The following RCAN2 variants were observed in gnomAD, a reference collection of about 807,000 sequenced individuals.
The protein encoded by RCAN2 is regulator of calcineurin 2, also known as calcipressin-2.
RCAN2 carries 9 observed loss-of-function variants against 23.6 expected under a neutral mutation model. The observed-to-expected ratio is 0.38, with a 90% CI of 0.23 to 0.67. The LOEUF (loss-of-function observed/expected upper bound fraction) is 0.67. Ranked by LOEUF, RCAN2 falls within the 30% of genes least tolerant of loss-of-function variation. The pLI is 0.51. For missense variants in RCAN2, 273 were observed against 302.3 expected, an observed-to-expected ratio of 0.90 and a Z score of 0.72; for synonymous variants, 109 against 115.7, an observed-to-expected ratio of 0.94 and a Z score of 0.37.
At chr6:46,320,309 TA>T (rs1382124293) in intron 2 of RCAN2, among the ~76,000 whole-genome samples, 1 of 152,152 alleles carries the variant, frequency 6.6e-6, no homozygotes, top group African/African-American at 2.4e-5. Context: ...TGACACATAC[TA>T]AATTGTGTCA....
chr6:46,231,297 C>A (rs1199627030), intron 4 of RCAN2, among the ~76,000 whole-genome samples: 1 of 152,176 alleles, frequency 6.6e-6, no homozygotes, highest in Non-Finnish European at 1.5e-5. Flanking sequence ...AGGAACAGAT[C>A]CTTTCCTGAC....
At chr6:46,407,816 A>C (rs1447931979) in intron 2 of RCAN2, among the ~76,000 whole-genome samples, 2 of 152,256 alleles carry the variant, frequency 1.3e-5, no homozygotes, top group Non-Finnish European at 2.9e-5. Flanking sequence ...TTTGCTATGC[A>C]GCAGACCTTT....
chr6:46,251,960 T>A (rs954096130), intron 2 of RCAN2, among the ~76,000 whole-genome samples: 1 of 152,144 alleles, frequency 6.6e-6, no homozygotes, highest in Non-Finnish European at 1.5e-5. Flanking sequence ...TTTCACTGGA[T>A]CATATGGGGC....
At chr6:46,241,687 T>C (rs960765860) in intron 4 of RCAN2, among the ~76,000 whole-genome samples, 1 of 152,234 alleles carries the variant, frequency 6.6e-6, no homozygotes, top group Admixed American at 6.5e-5. Context: ...TCAACCAATC[T>C]TTTACTCTTC....
intron 2 of RCAN2, among the ~76,000 whole-genome samples, chr6:46,342,429 G>A (rs1764350866): frequency 6.6e-6 from 1 of 151,484 alleles, no homozygotes; most frequent in South Asian, 2.1e-4. Context: ...GCTCATGCCT[G>A]TAGTCCCAGC....
At chr6:46,312,067 A>G (rs1224663464) in intron 2 of RCAN2, among the ~76,000 whole-genome samples, 2 of 152,158 alleles carry the variant, frequency 1.3e-5, no homozygotes, top group Non-Finnish European at 2.9e-5. Flanking sequence ...CTCTTCTTCC[A>G]TCCTGCTGCC....
chr6:46,311,088 C>T (rs945735229), intron 2 of RCAN2, among the ~76,000 whole-genome samples: 2 of 152,162 alleles, frequency 1.3e-5, no homozygotes, highest in Admixed American at 6.5e-5. Flanking sequence ...ATTATACATA[C>T]TTTACAGAGG....
At chr6:46,402,683 C>A (rs540151242) in intron 2 of RCAN2, among the ~76,000 whole-genome samples, 2 of 152,282 alleles carry the variant, frequency 1.3e-5, no homozygotes, top group African/African-American at 4.8e-5. Context: ...ACAAGCCCTG[C>A]TGGGTTTTCC....
intron 2 of RCAN2, among the ~76,000 whole-genome samples, chr6:46,406,429 A>G (rs1318660444): frequency 6.6e-6 from 1 of 152,184 alleles, no homozygotes; most frequent in Non-Finnish European, 1.5e-5. Flanking sequence ...TCTGGCAGCT[A>G]TTTTTTGGTC....
chr6:46,487,237 G>A (rs1769019209), intron 1 of RCAN2, among the ~76,000 whole-genome samples: 1 of 152,198 alleles, frequency 6.6e-6, no homozygotes, highest in Non-Finnish European at 1.5e-5. Flanking sequence ...TGAAAACTCT[G>A]TGTTGTGGAA....
At chr6:46,388,885 G>A (rs1642798772) in intron 2 of RCAN2, among the ~76,000 whole-genome samples, 1 of 152,110 alleles carries the variant, frequency 6.6e-6, no homozygotes, top group African/African-American at 2.4e-5. Flanking sequence ...GATAGGTGCA[G>A]CAAACCACCA....
At chr6:46,277,902 C>T (rs1430814357) in intron 2 of RCAN2, among the ~76,000 whole-genome samples, 2 of 152,094 alleles carry the variant, frequency 1.3e-5, no homozygotes, top group Non-Finnish European at 2.9e-5. Context: ...GTAGCTGTAG[C>T]TCTTCAGGTC....
chr6:46,376,829 G>A (rs914997446), intron 2 of RCAN2, among the ~76,000 whole-genome samples: 10 of 152,104 alleles, frequency 6.6e-5, no homozygotes, highest in African/African-American at 2.4e-4. Context: ...CTGTAACAGA[G>A]GCAAAGTTTT....
intron 2 of RCAN2, among the ~76,000 whole-genome samples, chr6:46,324,463 T>A (rs1000955743): frequency 1.3e-5 from 2 of 152,214 alleles, no homozygotes; most frequent in Non-Finnish European, 2.9e-5. Flanking sequence ...AAGTTAAGAC[T>A]AAAGCAAGGA....
chr6:46,331,426 C>A (rs928194156), intron 2 of RCAN2, among the ~76,000 whole-genome samples: 8 of 152,098 alleles, frequency 5.3e-5, no homozygotes, highest in Non-Finnish European at 1.0e-4. Flanking sequence ...GATGGTTAAC[C>A]ATATTAAACG....
At chr6:46,448,269 G>A (rs1000800159) in intron 2 of RCAN2, among the ~76,000 whole-genome samples, 1 of 151,526 alleles carries the variant, frequency 6.6e-6, no homozygotes. Flanking sequence ...TAAAACCTAC[G>A]AAGACTGAAT....
chr6:46,430,296 G>A (rs998900152), intron 2 of RCAN2, among the ~76,000 whole-genome samples: 1 of 152,106 alleles, frequency 6.6e-6, no homozygotes, highest in Admixed American at 6.5e-5. Flanking sequence ...GCTACAGAAT[G>A]ATTGGGTGAG....
intron 2 of RCAN2, among the ~76,000 whole-genome samples, chr6:46,291,226 GA>G (rs1260311689): frequency 2.7e-5 from 4 of 149,786 alleles, no homozygotes; most frequent in South Asian, 4.2e-4. Context: ...GAGTCAGGGG[GA>G]AAAAAAGCTG....
intron 2 of RCAN2, among the ~76,000 whole-genome samples, chr6:46,256,750 A>C (rs967189780): frequency 6.6e-6 from 1 of 152,242 alleles, no homozygotes; most frequent in African/African-American, 2.4e-5. Flanking sequence ...TTATGGCAAA[A>C]TAAAATAAAG....
Sources: gnomAD v4.1 joint callset for allele counts (sites outside exome capture counted in the v4.1 genomes callset) on GRCh38, gnomAD v4.1.1 for gene constraint, MANE v1.5 for transcripts, NCBI Gene and HGNC (gene_info 2026-07-23, HGNC 2026-07-21) for gene names.